The following SLIT3 variants were observed in gnomAD, a reference collection of about 807,000 sequenced individuals.
SLIT3 encodes slit guidance ligand 3.
SLIT3 carries 68 observed loss-of-function variants against 184.0 expected under a neutral mutation model. That is an observed-to-expected ratio of 0.37 (90% CI 0.30 to 0.45). SLIT3 has a LOEUF of 0.45. Ranked by LOEUF, SLIT3 falls within the 20% of genes least tolerant of loss-of-function variation. SLIT3 has a pLI of 1.00. For synonymous variants in SLIT3, 831 were observed against 828.6 expected, an observed-to-expected ratio of 1.00 and a Z score of -0.05; for missense variants, 1,707 against 2,026.0, an observed-to-expected ratio of 0.84 and a Z score of 3.02.
chr5:169,172,470 C>T (rs141651157), intron 4 of SLIT3, among the ~76,000 whole-genome samples: 22 of 152,308 alleles, frequency 1.4e-4, no homozygotes, highest in East Asian at 9.6e-4. Context: ...TGGAAATTCA[C>T]GGTGCATATT....
At chr5:169,034,824 C>T (rs908279346) in intron 4 of SLIT3, among the ~76,000 whole-genome samples, 8 of 151,170 alleles carry the variant, frequency 5.3e-5, no homozygotes, top group African/African-American at 1.9e-4. Context: ...CTGCTTACTG[C>T]AGCCTTGACC....
intron 9 of SLIT3, among the ~76,000 whole-genome samples, chr5:168,797,477 T>C (rs1252527089): frequency 6.6e-6 from 1 of 152,232 alleles, no homozygotes; most frequent in East Asian, 1.9e-4. Flanking sequence ...AATGAGCCTA[T>C]GCAAGTCAGG....
chr5:168,933,263 G>C (rs1762050448), intron 4 of SLIT3, among the ~76,000 whole-genome samples: 1 of 152,220 alleles, frequency 6.6e-6, no homozygotes, highest in Admixed American at 6.5e-5. Context: ...GCCAGAGGAG[G>C]CTGGGCGCGG....
intron 1 of SLIT3, among the ~76,000 whole-genome samples, chr5:169,258,667 C>A (rs531995206): frequency 4.6e-5 from 7 of 152,184 alleles, no homozygotes; most frequent in Admixed American, 4.6e-4. Context: ...CTGTTTGACA[C>A]CTTGGGTGGG....
At chr5:169,187,240 G>C (rs139246058) in intron 4 of SLIT3, among the ~76,000 whole-genome samples, 9,521 of 149,212 alleles carry the variant, frequency 0.064, 386 homozygotes, top group East Asian at 0.085. Flanking sequence ...CAGCCTCTGA[G>C]TAGCTGGGAC....
chr5:169,095,092 T>C (rs1254480155), intron 4 of SLIT3, among the ~76,000 whole-genome samples: 1 of 152,182 alleles, frequency 6.6e-6, no homozygotes, highest in Non-Finnish European at 1.5e-5. Context: ...ATCTCGGTAG[T>C]TTTGAAACTT....
chr5:168,978,555 C>T (rs894067322), intron 4 of SLIT3, among the ~76,000 whole-genome samples: 5 of 152,066 alleles, frequency 3.3e-5, no homozygotes, highest in African/African-American at 1.2e-4. Flanking sequence ...GGAGAATAGC[C>T]CAGCAATGCC....
intron 7 of SLIT3, among the ~76,000 whole-genome samples, chr5:168,820,560 C>G (rs924873): frequency 0.47 from 71,934 of 152,014 alleles, 17,277 homozygotes; most frequent in East Asian, 0.61. Flanking sequence ...TTACGACTGA[C>G]AGGAGACTAG....
chr5:168,776,798 G>A (rs1755764327), intron 12 of SLIT3, among the ~76,000 whole-genome samples: 1 of 152,064 alleles, frequency 6.6e-6, no homozygotes. Context: ...CAGCAACCAG[G>A]GCTCAGGAAT....
intron 8 of SLIT3, among the ~76,000 whole-genome samples, chr5:168,811,278 G>C (rs1757148950): frequency 6.6e-6 from 1 of 152,132 alleles, no homozygotes; most frequent in South Asian, 2.1e-4. Context: ...ACACTGCATT[G>C]AGTGCTCTGT....
chr5:168,668,613 C>T (rs1390063539), intron 35 of SLIT3, among the ~76,000 whole-genome samples: 2 of 152,326 alleles, frequency 1.3e-5, no homozygotes, highest in Admixed American at 6.5e-5. Context: ...TTCTTGGAGA[C>T]AGGGTCTGTC....
intron 4 of SLIT3, among the ~76,000 whole-genome samples, chr5:169,056,896 C>T (rs1256239200): frequency 6.6e-6 from 1 of 152,222 alleles, no homozygotes; most frequent in Non-Finnish European, 1.5e-5. Context: ...GACTATGCCC[C>T]CCACAAGCTG....
At chr5:169,154,270 G>A (rs1338645879) in intron 4 of SLIT3, among the ~76,000 whole-genome samples, 1 of 152,152 alleles carries the variant, frequency 6.6e-6, no homozygotes, top group Non-Finnish European at 1.5e-5. Context: ...GATGCTGCCA[G>A]CCTTTTCAGA....
chr5:169,086,289 A>G (rs1759294420), intron 4 of SLIT3, among the ~76,000 whole-genome samples: 3 of 152,384 alleles, frequency 2.0e-5, no homozygotes, highest in Middle Eastern at 3.4e-3. Context: ...CACTATTGTA[A>G]GTTCTGAAAG....
rs554499646 is a variant in SLIT3 at position 169,295,212 on chromosome 5, G to A, written c.197+5301C>T. Among the ~76,000 whole-genome samples the A allele has an allele frequency of 1.7e-4, 26 of 152,346 alleles. No individual in the cohort carries two copies. In the South Asian group the frequency reaches 4.8e-3, roughly 28 times the overall value. On this transcript the variant is annotated intron_variant, in intron 1 of 35. Transcript: ENST00000519560. ...TCCATTTTAACCTTATGAGACCACC[G>A]TCCTCTATGTTGTCCACTGTTGACC...
intron 4 of SLIT3, among the ~76,000 whole-genome samples, chr5:169,041,758 G>T (rs902173266): frequency 1.8e-4 from 28 of 152,250 alleles, no homozygotes; most frequent in South Asian, 8.3e-4. Context: ...TAGAATATTT[G>T]GGAGATGCTT....
intron 4 of SLIT3, among the ~76,000 whole-genome samples, chr5:168,888,910 T>C (rs1760329140): frequency 6.6e-6 from 1 of 152,208 alleles, no homozygotes; most frequent in East Asian, 1.9e-4. Context: ...GTGCATTCAG[T>C]ATCAATCAAA....
chr5:168,893,788 G>T (rs2113813042), intron 4 of SLIT3, among the ~76,000 whole-genome samples: 1 of 152,290 alleles, frequency 6.6e-6, no homozygotes, highest in East Asian at 1.9e-4. Context: ...CATTTGGCCT[G>T]CTCTGTGATT....
intron 4 of SLIT3, among the ~76,000 whole-genome samples, chr5:169,093,440 A>G (rs1462956429): frequency 2.7e-5 from 4 of 148,978 alleles, no homozygotes; most frequent in Non-Finnish European, 4.5e-5. Flanking sequence ...AATATTCAAA[A>G]GAACCCAATG....
Sources: allele counts gnomAD v4.1 joint callset (sites outside exome capture counted in the v4.1 genomes callset), GRCh38; gene constraint gnomAD v4.1.1; transcripts MANE v1.5; gene names NCBI Gene and HGNC (gene_info 2026-07-23, HGNC 2026-07-21).